AP4S1: variants seen among roughly 807,000 people sequenced by gnomAD.
The protein encoded by AP4S1 is adaptor related protein complex 4 subunit sigma 1.
AP4S1 carries 23 observed loss-of-function variants against 19.8 expected under a neutral mutation model. The ratio of observed to expected loss-of-function variants is 1.16; its 90% confidence interval spans 0.84 to 1.65. The LOEUF (loss-of-function observed/expected upper bound fraction) is 1.65, where lower values mean the gene tolerates loss of function less well. Ranked by LOEUF, AP4S1 falls within the 40% of genes most tolerant of loss-of-function variation. The pLI is 0.00. For synonymous variants in AP4S1, 46 were observed against 54.1 expected, an observed-to-expected ratio of 0.85 and a Z score of 0.66; for missense variants, 166 against 172.8, an observed-to-expected ratio of 0.96 and a Z score of 0.22.
At chr14:31,035,885 A>G (rs1327645016) in intron 1 of AP4S1, among the ~76,000 whole-genome samples, 1 of 151,766 alleles carries the variant, frequency 6.6e-6, no homozygotes, top group South Asian at 2.1e-4. Flanking sequence ...TGCCCGCCAC[A>G]AGGCCCGGCT....
intron 1 of AP4S1, among the ~76,000 whole-genome samples, chr14:31,042,915 A>G (rs1885186973): frequency 6.6e-6 from 1 of 152,174 alleles, no homozygotes; most frequent in South Asian, 2.1e-4. Flanking sequence ...ATGAAGCTTT[A>G]GAAATTTTTC....
chr14:31,026,460 G>A, intron 1 of AP4S1: 1 of 400,122 alleles, frequency 2.5e-6, no homozygotes, highest in South Asian at 5.8e-5. Context: ...GGGATAGGCG[G>A]AGGGCCGTCA....
intron 2 of AP4S1, among the ~76,000 whole-genome samples, chr14:31,068,669 T>G (rs930473310): frequency 2.6e-5 from 4 of 152,250 alleles, no homozygotes; most frequent in African/African-American, 9.6e-5. Flanking sequence ...AATGAAAGCT[T>G]TGGAATGAAT....
chr14:31,029,858 AAAAG>A (rs1884285429), intron 1 of AP4S1, among the ~76,000 whole-genome samples: 2 of 152,140 alleles, frequency 1.3e-5, no homozygotes. Context: ...ACAAAAAAAA[AAAAG>A]AAAATACTCA....
chr14:31,026,341 G>A (rs557861880), intron 1 of AP4S1: 65 of 703,642 alleles, frequency 9.2e-5, no homozygotes, highest in African/African-American at 2.7e-4. Flanking sequence ...TCAGAGCAGG[G>A]AGCTGCCGGC....
At chr14:31,031,910 A>G (rs1481369937) in intron 1 of AP4S1, among the ~76,000 whole-genome samples, 2 of 129,370 alleles carry the variant, frequency 1.5e-5, no homozygotes, top group Non-Finnish European at 3.2e-5. Context: ...CAGCCTATGC[A>G]ACATGGGGAG....
In AP4S1 at chr14:31,094,312, A is replaced by T. The variant is rs984865607; in HGVS notation, c.*1277A>T. On this transcript the variant is annotated 3_prime_UTR_variant, in exon 6 of 6. Coordinates refer to ENST00000542754, the MANE Select transcript of AP4S1 (RefSeq NM_001128126.3). The stretch of plus-strand genomic sequence containing the variant: ...CCTGGCCTGGCTCTAAAAGCTTTGT[A>T]ATGTGGGGCTGGTGCAGTGCCTCAC... 4 of 152,464 alleles carry T rather than the reference A, an allele frequency of 2.6e-5. No individual in the cohort carries two copies. Among genetic ancestry groups the T allele is most frequent in the African/African-American group, 9.7e-5 (4 of 41,436 alleles). 9.4% of individuals were successfully genotyped at this position (152,464 alleles called of 1,614,324 possible).
At chr14:31,044,646 A>G (rs889222386) in intron 1 of AP4S1, among the ~76,000 whole-genome samples, 1 of 151,396 alleles carries the variant, frequency 6.6e-6, no homozygotes, top group African/African-American at 2.4e-5. Flanking sequence ...ACGAACCTGG[A>G]CCTGCTAGTT....
rs1555330100 is a variant in AP4S1 at position 31,039,577 on chromosome 14, T to TTG, written c.-72+13791_-72+13792insGT. On this transcript the variant is annotated intron_variant, in intron 1 of 5. Transcript: ENST00000542754. The stretch of plus-strand genomic sequence containing the variant: ...AATACAATAGGTGTAGTTTTGTTTT[T>TTG]TTTTTTTTTTTTTGAGACGGAGTTT... Among the ~76,000 whole-genome samples, 27 of 145,038 alleles carry TTG rather than the reference T, an allele frequency of 1.9e-4. 1 individual carries two copies. Among genetic ancestry groups the TTG allele is most frequent in the Non-Finnish European group, 2.0e-4 (13 of 64,536 alleles).
intron 3 of AP4S1, among the ~76,000 whole-genome samples, chr14:31,070,781 G>A (rs951140014): frequency 7.2e-5 from 11 of 152,182 alleles, no homozygotes; most frequent in African/African-American, 2.4e-4. Context: ...GGCCGGGCGC[G>A]GTGGCCCATG....
intron 5 of AP4S1, chr14:31,084,934 T>A: frequency 6.2e-7 from 1 of 1,613,438 alleles, no homozygotes; most frequent in Non-Finnish European, 8.5e-7. Context: ...ACACACCAAC[T>A]ACTCTTCAAA....
intron 5 of AP4S1, among the ~76,000 whole-genome samples, chr14:31,082,040 C>T (rs1204041686): frequency 1.3e-5 from 2 of 152,054 alleles, no homozygotes; most frequent in Non-Finnish European, 2.9e-5. Flanking sequence ...TGCCCAGAAC[C>T]AGTATGTTTG....
At chr14:31,085,799 A>C in intron 5 of AP4S1, 4 of 978,472 alleles carry the variant, frequency 4.1e-6, no homozygotes, top group Non-Finnish European at 3.6e-6. Flanking sequence ...ACATCTTTAC[A>C]ACATTCCTGT....
chr14:31,072,882 G>C (rs761947986), intron 3 of AP4S1, 23 bp from the exon 4 acceptor site: 3 of 1,593,724 alleles, frequency 1.9e-6, no homozygotes, highest in South Asian at 2.2e-5. Flanking sequence ...AAAATTGATT[G>C]TACCTTTCTT....
chr14:31,070,222 G>A (rs1203332412), intron 3 of AP4S1, among the ~76,000 whole-genome samples: 1 of 152,034 alleles, frequency 6.6e-6, no homozygotes, highest in Non-Finnish European at 1.5e-5. Flanking sequence ...TCGATCTCCT[G>A]ACCTCATGAT....
At position 31,073,640 on chromosome 14, in the gene AP4S1, G is replaced by A. The variant is rs143144628; in HGVS notation, c.294+667G>A. On this transcript the variant is annotated intron_variant, in intron 4 of 5. Coordinates refer to ENST00000542754, the MANE Select transcript of AP4S1 (RefSeq NM_001128126.3). ...TTTTTTGAGACAGAGTTTCGCTCTTGTTGCCCAGGCTGGAGTGCAGTGACG... is the reference window on the plus strand; with the variant it reads ...TTTTTTGAGACAGAGTTTCGCTCTTATTGCCCAGGCTGGAGTGCAGTGACG... Among the ~76,000 whole-genome samples, 1,203 of 148,050 alleles carry A rather than the reference G, an allele frequency of 8.1e-3. 21 individuals carry two copies. The highest frequency in any genetic ancestry group is 0.028 in the African/African-American group (1,142 of 40,190).
rs368850444 is a variant in AP4S1 at position 31,026,258 on chromosome 14, C to G, written c.-72+471C>G. 3.2e-5 allele frequency: 42 copies of G among 1,327,288 alleles called. No individual in the cohort carries two copies. In the African/African-American group the frequency reaches 4.7e-4, roughly 15 times the overall value. The allele number at this position is 1,327,288 out of a possible 1,614,324, so 82.2% of individuals were successfully genotyped here. A position where few individuals can be genotyped will look rare whatever the true frequency, so the allele number is the denominator to read the frequency against. ...GGGGAAGGGCCGGAGAGGGTGGCCC[C>G]GCGCTGGCTGCGGGGCGGAGGCCGG... is the stretch of plus-strand genomic sequence containing the variant. On this transcript the variant is annotated intron_variant, in intron 1 of 5. Transcript: ENST00000542754.
rs1888165771 is a variant in AP4S1, at chr14:31,095,009, C to G, written c.*1974C>G. 1.3e-5 allele frequency: 2 copies of G among 152,226 alleles called. No individual in the cohort carries two copies. The highest frequency in any genetic ancestry group is 4.8e-5 in the African/African-American group (2 of 41,442). 9.4% of individuals were successfully genotyped at this position (152,226 alleles called of 1,614,324 possible). ...CCAGCCTGGGCGACAGAGTGAGACCCTGTCTCTAAAAATAAGTAAATAACT... is the reference window on the plus strand; with the variant it reads ...CCAGCCTGGGCGACAGAGTGAGACCGTGTCTCTAAAAATAAGTAAATAACT... On this transcript the variant is annotated 3_prime_UTR_variant, in exon 6 of 6. Coordinates refer to ENST00000542754, the MANE Select transcript of AP4S1 (RefSeq NM_001128126.3).
Position 31,095,027 on chromosome 14 carries a change from A to AAAT in AP4S1, c.*1995_*1997dup, listed in dbSNP as rs1371285357. The AAAT allele has an allele frequency of 6.6e-6, 1 of 152,194 alleles. No individual in the cohort carries two copies. The highest frequency in any genetic ancestry group is 1.5e-5 in the Non-Finnish European group (1 of 68,080). 9.4% of individuals were successfully genotyped at this position (152,194 alleles called of 1,614,324 possible). On this transcript the variant is annotated 3_prime_UTR_variant, in exon 6 of 6. Transcript: ENST00000542754. ...TGAGACCCTGTCTCTAAAAATAAGT[A>AAAT]AATAACTAATTAAAAAGTTAGCCAG... is the stretch of plus-strand genomic sequence containing the variant.
Sources: gnomAD v4.1 joint callset for allele counts (sites outside exome capture counted in the v4.1 genomes callset) on GRCh38, gnomAD v4.1.1 for gene constraint, MANE v1.5 for transcripts, NCBI Gene and HGNC (gene_info 2026-07-23, HGNC 2026-07-21) for gene names.